NCS1: variants seen among roughly 807,000 people sequenced by gnomAD.
NCS1 encodes frequenin homolog.
NCS1 carries 6 observed loss-of-function variants against 28.4 expected under a neutral mutation model. That is an observed-to-expected ratio of 0.21 (90% CI 0.12 to 0.42). NCS1 has a LOEUF of 0.42. Ranked by LOEUF, NCS1 falls within the 10% of genes least tolerant of loss-of-function variation. The pLI is 1.00. For missense variants in NCS1, 131 were observed against 241.4 expected, an observed-to-expected ratio of 0.54 and a Z score of 3.03; for synonymous variants, 86 against 99.3, an observed-to-expected ratio of 0.87 and a Z score of 0.79.
intron 7 of NCS1, among the ~76,000 whole-genome samples, chr9:130,230,741 C>T (rs1554911972): frequency 1.3e-5 from 2 of 151,738 alleles, no homozygotes; most frequent in African/African-American, 4.8e-5. Flanking sequence ...ATGTTTTGTA[C>T]TCATCACTCA....
At chr9:130,227,302 G>A (rs1268830852) in intron 7 of NCS1, among the ~76,000 whole-genome samples, 1 of 152,136 alleles carries the variant, frequency 6.6e-6, no homozygotes, top group Admixed American at 6.5e-5. Context: ...TTTGTGGAGT[G>A]TTCAATGTAG....
At position 130,226,302 on chromosome 9, in the gene NCS1, G is replaced by A. The variant is rs1263189015; in HGVS notation, c.475-87G>A. 1.7e-6 allele frequency: 2 copies of A among 1,149,906 alleles called. No homozygotes were observed. Among genetic ancestry groups the A allele is most frequent in the African/African-American group, 1.5e-5 (1 of 65,288 alleles). 71.2% of individuals were successfully genotyped at this position (1,149,906 alleles called of 1,614,324 possible). ...CTCCCTCCTGATCTAACCTTGGAAGGGCTCTTGGGACCGGCCCTGGGCTGG... is the reference window on the plus strand; with the variant it reads ...CTCCCTCCTGATCTAACCTTGGAAGAGCTCTTGGGACCGGCCCTGGGCTGG... On this transcript the variant is annotated intron_variant, in intron 6 of 7. Coordinates refer to ENST00000372398, the MANE Select transcript of NCS1 (RefSeq NM_014286.4). This position sits in a 1 kb window ranked among gnomAD's most constrained non-coding sequence, Gnocchi z 4.8.
Position 130,226,639 on chromosome 9 carries a change from T to C in NCS1, c.*17+135T>C. Reference sequence around the variant, plus strand: ...GTGGTCAGCCTAGCAGGGACATAGCTGGGAGGAGGAGGCTGGAAGGGGGGC... The same window carrying C: ...GTGGTCAGCCTAGCAGGGACATAGCCGGGAGGAGGAGGCTGGAAGGGGGGC... On this transcript the variant is annotated intron_variant, in intron 7 of 7. Transcript: ENST00000372398. The surrounding 1 kb of genome is among the most constrained non-coding windows in gnomAD (Gnocchi z 4.8). 1.6e-6 allele frequency: 1 copy of C among 639,138 alleles called. No individual in the cohort carries two copies. Among genetic ancestry groups the C allele is most frequent in the Non-Finnish European group, 2.7e-6 (1 of 367,122 alleles). The allele number at this position is 639,138 out of a possible 1,614,324, so 39.6% of individuals were successfully genotyped here. A position where few individuals can be genotyped will look rare whatever the true frequency, so the allele number is the denominator to read the frequency against.
At position 130,210,291 on chromosome 9, in the gene NCS1, CG is replaced by C. The variant is rs782167050; in HGVS notation, c.90-7538del. Among the ~76,000 whole-genome samples, 103 of 151,444 alleles carry C rather than the reference CG, an allele frequency of 6.8e-4. 1 individual carries two copies. Among genetic ancestry groups the C allele is most frequent in the Admixed American group, 2.8e-3 (42 of 15,160 alleles). ...GCACGCACCTGTAGTCCCAGCTACT[CG>C]GGAGGCTGAGGCAGGAGAATTGCTT... On this transcript the variant is annotated intron_variant, in intron 2 of 7. Transcript: ENST00000372398.
At position 130,236,375 on chromosome 9, in the gene NCS1, CG is replaced by C. The variant is rs756902600; in HGVS notation, c.*3406del. 1.4e-4 allele frequency: 21 copies of C among 152,072 alleles called. No homozygotes were observed. The highest frequency in any genetic ancestry group is 2.8e-4 in the Non-Finnish European group (19 of 68,020). 9.4% of individuals were successfully genotyped at this position (152,072 alleles called of 1,614,324 possible). On this transcript the variant is annotated 3_prime_UTR_variant, in exon 8 of 8. Coordinates refer to ENST00000372398, the MANE Select transcript of NCS1 (RefSeq NM_014286.4). ...ACCTGGGGGCTGCAACCCCACCGGA[CG>C]GGTGGTCCGGAGGGAGGCTGGAGCG...
chr9:130,231,376 T>A (rs1379008262), intron 7 of NCS1, among the ~76,000 whole-genome samples: 1 of 151,740 alleles, frequency 6.6e-6, no homozygotes, highest in Admixed American at 6.6e-5. Context: ...TTAATTTTGT[T>A]TATTTTTTAT....
At chr9:130,221,029 GTTTA>G (rs1257821337) in intron 4 of NCS1, among the ~76,000 whole-genome samples, 1 of 151,656 alleles carries the variant, frequency 6.6e-6, no homozygotes, top group African/African-American at 2.4e-5. Context: ...TATTTTATTT[GTTTA>G]TTTATTTATA....
rs34425557 is a variant in NCS1 at position 130,211,010 on chromosome 9, A to ATTTTTTT, written c.90-6807_90-6801dup. 1.5e-4 allele frequency among the ~76,000 whole-genome samples: 14 copies of ATTTTTTT among 92,376 alleles called. 1 individual carries two copies. The highest frequency in any genetic ancestry group is 4.1e-4 in the South Asian group (1 of 2,442). The allele number at this position is 92,376 out of a possible 152,430, so 60.6% of individuals were successfully genotyped here. ...CAAGCCACTGTGCCCGGCTCCACTA[A>ATTTTTTT]TTTTTTTTTTTTTTTTTTTTTGTAG... On this transcript the variant is annotated intron_variant, in intron 2 of 7. Coordinates refer to ENST00000372398, the MANE Select transcript of NCS1 (RefSeq NM_014286.4).
Position 130,219,654 on chromosome 9 carries a change from G to T in NCS1, c.229-71G>T. The T allele has an allele frequency of 6.9e-7, 1 of 1,453,614 alleles. No homozygotes were observed. The highest frequency in any genetic ancestry group is 9.6e-7 in the Non-Finnish European group (1 of 1,037,272). 90.0% of individuals were successfully genotyped at this position (1,453,614 alleles called of 1,614,324 possible). A position where few individuals can be genotyped will look rare whatever the true frequency, so the allele number is the denominator to read the frequency against. On this transcript the variant is annotated intron_variant, in intron 3 of 7. Transcript: ENST00000372398. This position sits in a 1 kb window ranked among gnomAD's most constrained non-coding sequence, Gnocchi z 5.7. Reference sequence around the variant, plus strand: ...TGGAGCCTGCGACTGCCCCTCGCCCGTCCCGAGGTTCAGCCTGACCCGGTG... The same window carrying T: ...TGGAGCCTGCGACTGCCCCTCGCCCTTCCCGAGGTTCAGCCTGACCCGGTG...
At chr9:130,203,741 C>T (rs963956258) in intron 2 of NCS1, among the ~76,000 whole-genome samples, 7 of 152,174 alleles carry the variant, frequency 4.6e-5, no homozygotes, top group Admixed American at 4.6e-4. Context: ...TCCCAAGCAC[C>T]GCTGTGAGCC....
At chr9:130,218,783 G>T (rs1170704086) in intron 3 of NCS1, among the ~76,000 whole-genome samples, 1 of 152,108 alleles carries the variant, frequency 6.6e-6, no homozygotes, top group Non-Finnish European at 1.5e-5. Flanking sequence ...TAGAGATGGG[G>T]TTTCACCGTA....
rs569847600 is a variant in NCS1, at chr9:130,215,491, G to A, written c.90-2341G>A. ...CTGCAGGGATTCTGGGTGGGCCTGC[G>A]GACATCACATGCACGGGAGGGACGG... is the stretch of plus-strand genomic sequence containing the variant. On this transcript the variant is annotated intron_variant, in intron 2 of 7. Coordinates refer to ENST00000372398, the MANE Select transcript of NCS1 (RefSeq NM_014286.4). This position sits in a 1 kb window ranked among gnomAD's most constrained non-coding sequence, Gnocchi z 4.2. 2.6e-5 allele frequency among the ~76,000 whole-genome samples: 4 copies of A among 152,282 alleles called. No individual in the cohort carries two copies. Among genetic ancestry groups the A allele is most frequent in the African/African-American group, 9.6e-5 (4 of 41,564 alleles).
intron 2 of NCS1, among the ~76,000 whole-genome samples, chr9:130,213,302 G>A (rs551347979): frequency 5.3e-5 from 8 of 152,262 alleles, no homozygotes; most frequent in African/African-American, 1.9e-4. Context: ...TTTTGAGACG[G>A]AGTCTCGCTC....
chr9:130,218,421 CAT>C (rs1833220967), intron 3 of NCS1, among the ~76,000 whole-genome samples: 2 of 152,204 alleles, frequency 1.3e-5, no homozygotes, highest in East Asian at 1.9e-4. Context: ...CACAGAGAGA[CAT>C]ATACACATAT....
intron 1 of NCS1, among the ~76,000 whole-genome samples, chr9:130,174,204 G>A (rs1832530676): frequency 6.6e-6 from 1 of 152,214 alleles, no homozygotes. Flanking sequence ...TCCCTGTGCC[G>A]GGGGAGGGTG....
chr9:130,174,787 C>T (rs1175617087), intron 1 of NCS1, among the ~76,000 whole-genome samples: 2 of 59,600 alleles, frequency 3.4e-5, no homozygotes, highest in African/African-American at 8.1e-5. Context: ...GAAACTCTGT[C>T]TCCAAAAAAA....
chr9:130,231,045 T>A (rs1286298082), intron 7 of NCS1, among the ~76,000 whole-genome samples: 1 of 152,098 alleles, frequency 6.6e-6, no homozygotes, highest in African/African-American at 2.4e-5. Flanking sequence ...TGTAATAGGT[T>A]GATAGGTCTC....
At chr9:130,187,609 C>T (rs1266026560) in intron 1 of NCS1, among the ~76,000 whole-genome samples, 1 of 152,206 alleles carries the variant, frequency 6.6e-6, no homozygotes, top group Non-Finnish European at 1.5e-5. Context: ...AGATCCACTG[C>T]ATTCTGGGAG....
At chr9:130,176,182 C>CTTTCTTTCTTTCTT (rs1832566355) in intron 1 of NCS1, among the ~76,000 whole-genome samples, 6 of 61,092 alleles carry the variant, frequency 9.8e-5, no homozygotes, top group Non-Finnish European at 1.5e-4. Context: ...TTCTTTCTTT[C>CTTTCTTTCTTTCTT]TTTCTTTCTT....
Sources: gnomAD v4.1 joint callset for allele counts (sites outside exome capture counted in the v4.1 genomes callset) on GRCh38, gnomAD v4.1.1 for gene constraint, Gnocchi (gnomAD v3.1) non-coding constraint, MANE v1.5 for transcripts, NCBI Gene and HGNC (gene_info 2026-07-23, HGNC 2026-07-21) for gene names.